EFL1: variants seen among roughly 807,000 people sequenced by gnomAD.
EFL1 encodes the protein elongation factor-like GTPase 1.
EFL1 carries 76 observed loss-of-function variants against 126.7 expected under a neutral mutation model. The observed-to-expected ratio is 0.60, with a 90% CI of 0.50 to 0.73. EFL1 has a LOEUF of 0.73. Ranked by LOEUF, EFL1 falls within the 30% of genes least tolerant of loss-of-function variation. The pLI, the probability that EFL1 is intolerant of heterozygous loss-of-function variation, is 0.00. For synonymous variants in EFL1, 410 were observed against 448.4 expected (o/e 0.91, Z 1.08); for missense variants, 1,128 against 1,343.2 (o/e 0.84, Z 2.50).
intron 17 of EFL1, among the ~76,000 whole-genome samples, chr15:82,152,922 T>C (rs2073929574): frequency 6.6e-6 from 1 of 152,214 alleles, no homozygotes; most frequent in Non-Finnish European, 1.5e-5. Context: ...GCATGATCCA[T>C]GAGTTTGTCT....
At chr15:82,235,796 G>A (rs2074866703) in intron 7 of EFL1, among the ~76,000 whole-genome samples, 1 of 152,024 alleles carries the variant, frequency 6.6e-6, no homozygotes, top group Non-Finnish European at 1.5e-5. Context: ...ACAAGGCAAG[G>A]ATGCCCACTC....
intron 17 of EFL1, among the ~76,000 whole-genome samples, chr15:82,156,904 A>G (rs1294079070): frequency 6.6e-6 from 1 of 152,208 alleles, no homozygotes; most frequent in Non-Finnish European, 1.5e-5. Flanking sequence ...AGAAAATGAT[A>G]AACTATGCAA....
At chr15:82,178,043 A>G (rs2074212539) in intron 15 of EFL1, among the ~76,000 whole-genome samples, 1 of 152,264 alleles carries the variant, frequency 6.6e-6, no homozygotes, top group African/African-American at 2.4e-5. Flanking sequence ...TAGAAGAGTC[A>G]TAAGGGATTT....
At chr15:82,201,197 T>C (rs974769245) in intron 15 of EFL1, among the ~76,000 whole-genome samples, 1 of 152,276 alleles carries the variant, frequency 6.6e-6, no homozygotes, top group Non-Finnish European at 1.5e-5. Context: ...AATTGATTCA[T>C]GCATTCAACC....
In EFL1 at chr15:82,259,087, C is replaced by T; in HGVS notation, c.159+1G>A. On this transcript the variant is annotated splice_donor_variant, in intron 3 of 19. Coordinates refer to ENST00000268206, the MANE Select transcript of EFL1 (RefSeq NM_024580.6). LOFTEE classifies it high-confidence loss of function. The stretch of plus-strand genomic sequence containing the variant: ...CAAGTATTTATAAAATAATAACATA[C>T]CTTGCCTGCTAGGCGGCTGGAGATG... 6.2e-7 allele frequency: 1 copy of T among 1,613,328 alleles called. No individual in the cohort carries two copies. The highest frequency in any genetic ancestry group is 8.5e-7 in the Non-Finnish European group (1 of 1,179,524).
intron 4 of EFL1, among the ~76,000 whole-genome samples, chr15:82,249,885 T>C (rs577692947): frequency 5.6e-4 from 86 of 152,264 alleles, no homozygotes; most frequent in African/African-American, 1.9e-3. Flanking sequence ...ATCTGTTTAC[T>C]TTAAACTAGA....
intron 12 of EFL1, among the ~76,000 whole-genome samples, chr15:82,224,110 T>C (rs1393354275): frequency 2.6e-5 from 4 of 152,108 alleles, no homozygotes; most frequent in African/African-American, 9.7e-5. Flanking sequence ...GAAACAGAAA[T>C]AAAAATCTAG....
At chr15:82,133,286 T>A (rs1430285696) in intron 19 of EFL1, among the ~76,000 whole-genome samples, 1 of 152,178 alleles carries the variant, frequency 6.6e-6, no homozygotes, top group Non-Finnish European at 1.5e-5. Context: ...GCATTATGGT[T>A]CTTGCGGCTG....
intron 15 of EFL1, among the ~76,000 whole-genome samples, chr15:82,164,564 T>G (rs536053672): frequency 2.6e-5 from 4 of 152,290 alleles, no homozygotes; most frequent in African/African-American, 7.2e-5. Context: ...GGTTGCATAT[T>G]TGTCTTTGAG....
chr15:82,222,577 A>G (rs540408123), intron 12 of EFL1, among the ~76,000 whole-genome samples: 1 of 152,336 alleles, frequency 6.6e-6, no homozygotes, highest in African/African-American at 2.4e-5. Flanking sequence ...CCTGCTGTCT[A>G]TCTATGTATC....
intron 15 of EFL1, among the ~76,000 whole-genome samples, chr15:82,195,050 T>C (rs2074395565): frequency 6.6e-6 from 1 of 152,250 alleles, no homozygotes. Context: ...TGTTATAATT[T>C]TACTAATAAA....
At chr15:82,224,560 G>C (rs1197561325) in intron 12 of EFL1, among the ~76,000 whole-genome samples, 3 of 152,294 alleles carry the variant, frequency 2.0e-5, no homozygotes, top group East Asian at 1.9e-4. Context: ...ATGGCAAGTG[G>C]ATCAGTGGAA....
At chr15:82,133,332 T>C (rs905591923) in intron 19 of EFL1, among the ~76,000 whole-genome samples, 3 of 152,180 alleles carry the variant, frequency 2.0e-5, no homozygotes, top group African/African-American at 7.2e-5. Flanking sequence ...TACAGGGTTG[T>C]TGTGAAGACT....
intron 15 of EFL1, among the ~76,000 whole-genome samples, chr15:82,172,049 T>A (rs2074141732): frequency 6.7e-6 from 1 of 148,962 alleles, no homozygotes; most frequent in East Asian, 2.0e-4. Context: ...AGAAAAGACA[T>A]TAAAAGAAAA....
intron 15 of EFL1, among the ~76,000 whole-genome samples, chr15:82,190,436 C>T (rs1476230049): frequency 6.6e-6 from 1 of 152,094 alleles, no homozygotes; most frequent in African/African-American, 2.4e-5. Context: ...TCAAATTGGT[C>T]TTTACTTTTG....
chr15:82,148,010 AC>A (rs1183809754), intron 18 of EFL1, among the ~76,000 whole-genome samples: 1 of 152,196 alleles, frequency 6.6e-6, no homozygotes. Flanking sequence ...AATGAGTGGG[AC>A]CAGAAGTGTT....
At chr15:82,238,652 G>A in intron 6 of EFL1, 131 bp from the exon 7 acceptor site, 1 of 699,818 alleles carries the variant, frequency 1.4e-6, no homozygotes, top group Non-Finnish European at 2.4e-6. Flanking sequence ...TACATGAATG[G>A]AGGTGACATT....
intron 3 of EFL1, among the ~76,000 whole-genome samples, chr15:82,257,870 A>G (rs1314909283): frequency 1.3e-5 from 2 of 152,250 alleles, no homozygotes; most frequent in African/African-American, 4.8e-5. Context: ...TTACTATTTC[A>G]TTAATTTATG....
At position 82,151,731 on chromosome 15, in the gene EFL1, C is replaced by G; in HGVS notation, c.2723G>C (p.Ser908Thr). The G allele has an allele frequency of 1.2e-6, 2 of 1,614,184 alleles. No individual in the cohort carries two copies. The highest frequency in any genetic ancestry group is 1.7e-6 in the Non-Finnish European group (2 of 1,180,036). ...CTCCTGTCCCTCTTTTGCCAGATCA[C>G]TTGCTCCTTGTTCCTCAAATTTACT... ...DLSKFEEQGA[S>T]DLAKEGQEEN... Residue 908 changes from serine to threonine, a missense_variant, in exon 18 of 20, where the codon AGT becomes ACT. Physicochemically the swap from Ser to Thr is moderately conservative, Grantham distance 58 (BLOSUM62 1). This residue lies in a region of EFL1 where 561 missense variants were observed against 641.7 expected (regional missense o/e 0.87). Transcript: ENST00000268206.
Sources: gnomAD v4.1 joint callset for allele counts (sites outside exome capture counted in the v4.1 genomes callset) on GRCh38, gnomAD v4.1.1 for gene constraint, gnomAD v4.1.1 regional missense constraint, MANE v1.5 for transcripts, NCBI Gene and HGNC (gene_info 2026-07-23, HGNC 2026-07-21) for gene names.